PLAGL1: variants seen among roughly 807,000 people sequenced by gnomAD.
PLAGL1 encodes the protein zinc finger protein PLAGL1.
Under a neutral mutation model 4.6 loss-of-function variants are expected in PLAGL1, and 1 was observed. The ratio of observed to expected loss-of-function variants is 0.22; its 90% CI spans 0.08 to 1.03. PLAGL1 has a LOEUF of 1.03. Among genes scored for constraint, PLAGL1 ranks in the 50% least tolerant of loss-of-function variants. The probability of loss-of-function intolerance (pLI) is 0.58; values close to 1 mark genes in which losing one functional copy is unlikely to be tolerated. For synonymous variants in PLAGL1, 240 were observed against 237.8 expected (o/e 1.01, Z -0.08); for missense variants, 464 against 570.4 (o/e 0.81, Z 1.90).
chr6:143,999,484 T>C (rs1434645547), intron 1 of PLAGL1, among the ~76,000 whole-genome samples: 1 of 152,248 alleles, frequency 6.6e-6, no homozygotes, highest in African/African-American at 2.4e-5. Flanking sequence ...TTTTCCTTTT[T>C]GTTTAGTGAC....
At position 143,995,386 on chromosome 6, in the gene PLAGL1, G is replaced by GT. The variant is rs564309345; in HGVS notation, c.-583-10213dup. 1.9e-3 allele frequency among the ~76,000 whole-genome samples: 294 copies of GT among 152,058 alleles called. 4 individuals carry two copies. The highest frequency in any genetic ancestry group is 0.014 in the East Asian group (74 of 5,188). On this transcript the variant is annotated intron_variant, in intron 1 of 7. Transcript: ENST00000674357. This position sits in a 1 kb window ranked among gnomAD's most constrained non-coding sequence, Gnocchi z 4.4. ...GTTTTGTTGTTATGGTTTTTTGGGGGTTTTTTTGCTTTGCTTTGGAAAGGG... is the reference window on the plus strand; with the variant it reads ...GTTTTGTTGTTATGGTTTTTTGGGGGTTTTTTTTGCTTTGCTTTGGAAAGGG...
At chr6:144,032,386 AG>A (rs959292208) in intron 1 of PLAGL1, among the ~76,000 whole-genome samples, 89 of 152,006 alleles carry the variant, frequency 5.9e-4, no homozygotes, top group African/African-American at 2.0e-3. Context: ...AGCCCCACAA[AG>A]TGCTGGGATT....
intron 1 of PLAGL1, among the ~76,000 whole-genome samples, chr6:144,035,229 G>C (rs1797131131): frequency 6.6e-6 from 1 of 152,180 alleles, no homozygotes; most frequent in Non-Finnish European, 1.5e-5. Flanking sequence ...CCTCCTGCAA[G>C]CTGAGGAGCA....
chr6:143,994,648 C>T lies in PLAGL1; in HGVS notation c.-583-9474G>A, dbSNP rs1791251861. Among the ~76,000 whole-genome samples, 1 of 152,178 alleles carries T rather than the reference C, an allele frequency of 6.6e-6. No homozygotes were observed. Among genetic ancestry groups the T allele is most frequent in the Non-Finnish European group, 1.5e-5 (1 of 68,024 alleles). ...TGTGACCACTGGAGCAGCTCATATT[C>T]GGTCCCAACATTTTATTCCTGCTTG... On this transcript the variant is annotated intron_variant, in intron 1 of 7. Coordinates refer to ENST00000674357, the MANE Select transcript of PLAGL1 (RefSeq NM_001317162.2). This position sits in a 1 kb window ranked among gnomAD's most constrained non-coding sequence, Gnocchi z 4.3.
Position 143,994,521 on chromosome 6 carries a change from G to A in PLAGL1, c.-583-9347C>T, listed in dbSNP as rs968640267. Among the ~76,000 whole-genome samples the A allele has an allele frequency of 6.6e-5, 10 of 152,356 alleles. No homozygotes were observed. The highest frequency in any genetic ancestry group is 5.8e-4 in the East Asian group (3 of 5,190). ...TTTAACAAGGCAGCCCTACTTCACA[G>A]TAGCTCTTGAAATCTCAAGTAGGAA... On this transcript the variant is annotated intron_variant, in intron 1 of 7. Coordinates refer to ENST00000674357, the MANE Select transcript of PLAGL1 (RefSeq NM_001317162.2). The surrounding 1 kb of genome is among the most constrained non-coding windows in gnomAD (Gnocchi z 4.3).
At position 144,063,069 on chromosome 6, in the gene PLAGL1, TG is replaced by T. The variant is rs1799550863; in HGVS notation, c.-151+1398del. On this transcript the variant is annotated intron_variant, in intron 1 of 3. Coordinates refer to the PLAGL1 transcript ENST00000437412. This position sits in a 1 kb window ranked among gnomAD's most constrained non-coding sequence, Gnocchi z 5.7. ...GTTTACACCAACGTTGTCACAGAGT[TG>T]ATCACCTGAAAACCAGCCCTCCTTT... 1.3e-5 allele frequency among the ~76,000 whole-genome samples: 2 copies of T among 152,342 alleles called. No homozygotes were observed. The highest frequency in any genetic ancestry group is 4.1e-4 in the South Asian group (2 of 4,826).
In PLAGL1 at chr6:143,954,976, G is replaced by T. The variant is rs77797516; in HGVS notation, c.-325+5493C>A. ...AATAAAGACAGGTAACTAGTGCCCA[G>T]CCAAAGGGAAAGAGACAATATGCAA... On this transcript the variant is annotated intron_variant, in intron 6 of 7. Coordinates refer to ENST00000674357, the MANE Select transcript of PLAGL1 (RefSeq NM_001317162.2). This position sits in a 1 kb window ranked among gnomAD's most constrained non-coding sequence, Gnocchi z 5.1. Among the ~76,000 whole-genome samples, 1 of 152,134 alleles carries T rather than the reference G, an allele frequency of 6.6e-6. No homozygotes were observed. Among genetic ancestry groups the T allele is most frequent in the Non-Finnish European group, 1.5e-5 (1 of 68,020 alleles).
At position 143,941,337 on chromosome 6, in the gene PLAGL1, T is replaced by A; in HGVS notation, c.*87A>T. 9.2e-7 allele frequency: 1 copy of A among 1,086,794 alleles called. No homozygotes were observed. Among genetic ancestry groups the A allele is most frequent in the Non-Finnish European group, 1.3e-6 (1 of 776,066 alleles). 67.3% of individuals were successfully genotyped at this position (1,086,794 alleles called of 1,614,324 possible). A position where few individuals can be genotyped will look rare whatever the true frequency, so the allele number is the denominator to read the frequency against. ...AATAAGCCATAGTCCCAGTCTCGTT[T>A]TCCAAATCTTTCTCATATTGTAACT... On this transcript the variant is annotated 3_prime_UTR_variant, in exon 8 of 8. Transcript: ENST00000674357. The surrounding 1 kb of genome is among the most constrained non-coding windows in gnomAD (Gnocchi z 6.0).
At chr6:144,032,535 G>A (rs1473313747) in intron 1 of PLAGL1, among the ~76,000 whole-genome samples, 1 of 151,980 alleles carries the variant, frequency 6.6e-6, no homozygotes, top group Non-Finnish European at 1.5e-5. Flanking sequence ...CTACCTCCTA[G>A]TTCAGTTTTG....
upstream of PLAGL1, among the ~76,000 whole-genome samples, chr6:144,009,570 G>T (rs1483398177): frequency 6.6e-6 from 1 of 152,088 alleles, no homozygotes; most frequent in East Asian, 1.9e-4. Flanking sequence ...GAACGGGCAG[G>T]TTTGTTACAT....
In PLAGL1 at chr6:144,056,413, A is replaced by T. The variant is rs76363224; in HGVS notation, c.-151+8055T>A. On this transcript the variant is annotated intron_variant, in intron 1 of 3. Coordinates refer to the PLAGL1 transcript ENST00000437412. This position sits in a 1 kb window ranked among gnomAD's most constrained non-coding sequence, Gnocchi z 4.7. ...CTATGTGTTTGGACAAATTTATAACAGCATATATCTACTAATATAGTGCCA... is the reference window on the plus strand; with the variant it reads ...CTATGTGTTTGGACAAATTTATAACTGCATATATCTACTAATATAGTGCCA... 6.6e-6 allele frequency among the ~76,000 whole-genome samples: 1 copy of T among 152,188 alleles called. No homozygotes were observed. Among genetic ancestry groups the T allele is most frequent in the Non-Finnish European group, 1.5e-5 (1 of 68,038 alleles).
At chr6:144,017,699 T>G (rs991962699) in intron 1 of PLAGL1, among the ~76,000 whole-genome samples, 2 of 152,214 alleles carry the variant, frequency 1.3e-5, no homozygotes, top group African/African-American at 4.8e-5. Flanking sequence ...CACTTCCTCC[T>G]AATGGAAAAC....
Position 144,022,347 on chromosome 6 carries a change from C to A in PLAGL1, c.-151+42121G>T, listed in dbSNP as rs961977993. 2.6e-5 allele frequency among the ~76,000 whole-genome samples: 4 copies of A among 152,154 alleles called. No homozygotes were observed. Among genetic ancestry groups the A allele is most frequent in the Non-Finnish European group, 5.9e-5 (4 of 68,028 alleles). ...AATTAAAACAAGATACTAGTACATACTTACTAGAATGGCTAAATTTGTTTT... is the reference window on the plus strand; with the variant it reads ...AATTAAAACAAGATACTAGTACATAATTACTAGAATGGCTAAATTTGTTTT... On this transcript the variant is annotated intron_variant, in intron 1 of 3. Coordinates refer to the PLAGL1 transcript ENST00000437412. The surrounding 1 kb of genome is among the most constrained non-coding windows in gnomAD (Gnocchi z 4.2).
At chr6:144,062,064 A>G (rs1799452844) in intron 1 of PLAGL1, among the ~76,000 whole-genome samples, 1 of 152,168 alleles carries the variant, frequency 6.6e-6, no homozygotes, top group Non-Finnish European at 1.5e-5. Context: ...AAATGACAGA[A>G]TGCTTAGCAA....
chr6:144,020,697 A>G (rs1795904242), intron 1 of PLAGL1, among the ~76,000 whole-genome samples: 1 of 150,362 alleles, frequency 6.7e-6, no homozygotes, highest in Non-Finnish European at 1.5e-5. Context: ...CCTCCTGCCT[A>G]AGCCTCCTGA....
upstream of PLAGL1, among the ~76,000 whole-genome samples, chr6:144,012,110 G>A (rs1399163538): frequency 1.3e-5 from 2 of 152,202 alleles, no homozygotes; most frequent in Admixed American, 6.5e-5. This position sits in a 1 kb window ranked among gnomAD's most constrained non-coding sequence, Gnocchi z 4.8. Context: ...TGTTCTCTTT[G>A]TTTTTGCTAT....
rs1318612685 is a variant in PLAGL1, at chr6:144,013,489, A to G, written c.-150-44511T>C. ...AGATAGTGGCTATATTTTATCCTAT[A>G]GCTGCCATAACAAATTACCACAAAC... On this transcript the variant is annotated intron_variant, in intron 1 of 3. Coordinates refer to the PLAGL1 transcript ENST00000437412. This position sits in a 1 kb window ranked among gnomAD's most constrained non-coding sequence, Gnocchi z 4.4. Among the ~76,000 whole-genome samples the G allele has an allele frequency of 7.2e-5, 11 of 152,268 alleles. No homozygotes were observed. Among genetic ancestry groups the G allele is most frequent in the Non-Finnish European group, 1.6e-4 (11 of 68,046 alleles).
At position 144,016,263 on chromosome 6, in the gene PLAGL1, G is replaced by A. The variant is rs1195110525; in HGVS notation, c.-150-47285C>T. ...AAGAACTTGGAGTCTGATGTTAGAGGGCAGGAAGCATCCAGCATGGGAGAA... is the reference window on the plus strand; with the variant it reads ...AAGAACTTGGAGTCTGATGTTAGAGAGCAGGAAGCATCCAGCATGGGAGAA... On this transcript the variant is annotated intron_variant, in intron 1 of 3. Transcript: ENST00000437412. The surrounding 1 kb of genome is among the most constrained non-coding windows in gnomAD (Gnocchi z 4.2). 6.6e-6 allele frequency among the ~76,000 whole-genome samples: 1 copy of A among 152,140 alleles called. No homozygotes were observed. Among genetic ancestry groups the A allele is most frequent in the East Asian group, 1.9e-4 (1 of 5,202 alleles).
In PLAGL1 at chr6:144,048,169, A is replaced by T. The variant is rs1798303629; in HGVS notation, c.-151+16299T>A. 6.6e-6 allele frequency among the ~76,000 whole-genome samples: 1 copy of T among 152,220 alleles called. No individual in the cohort carries two copies. The highest frequency in any genetic ancestry group is 1.5e-5 in the Non-Finnish European group (1 of 68,034). ...GAAGTGGGCTCCCACGGTCTTGGGC[A>T]GCTCTGCCTCTGTGGCTTTGCAGGG... is the stretch of plus-strand genomic sequence containing the variant. On this transcript the variant is annotated intron_variant, in intron 1 of 3. Coordinates refer to the PLAGL1 transcript ENST00000437412. This position sits in a 1 kb window ranked among gnomAD's most constrained non-coding sequence, Gnocchi z 4.8.
Sources: allele counts gnomAD v4.1 joint callset (sites outside exome capture counted in the v4.1 genomes callset), GRCh38; gene constraint gnomAD v4.1.1; non-coding constraint Gnocchi (gnomAD v3.1); transcripts MANE v1.5; gene names NCBI Gene and HGNC (gene_info 2026-07-23, HGNC 2026-07-21).